TIMMDC1: variants seen among roughly 807,000 people sequenced by gnomAD.
TIMMDC1 encodes the protein complex I assembly factor TIMMDC1, mitochondrial.
TIMMDC1 carries 25 observed loss-of-function variants against 32.6 expected under a neutral mutation model. The observed-to-expected ratio is 0.77, with a 90% confidence interval of 0.56 to 1.07. TIMMDC1 has a LOEUF of 1.07. Among genes scored for constraint, TIMMDC1 ranks in the 50% least tolerant of loss-of-function variants. TIMMDC1 has a pLI of 0.00. For synonymous variants in TIMMDC1, 130 were observed against 127.6 expected (o/e 1.02, Z -0.13); for missense variants, 329 against 349.2 (o/e 0.94, Z 0.46).
intron 6 of TIMMDC1, among the ~76,000 whole-genome samples, chr3:119,522,586 A>G (rs1347561253): frequency 2.0e-5 from 3 of 152,212 alleles, no homozygotes; most frequent in Non-Finnish European, 4.4e-5. Flanking sequence ...GCAGTATGAA[A>G]TGATAAATGT....
chr3:119,501,797 G>T (rs1192792861), intron 2 of TIMMDC1, among the ~76,000 whole-genome samples: 1 of 152,118 alleles, frequency 6.6e-6, no homozygotes. Flanking sequence ...ATTTAGTCTG[G>T]AAGAGTTTCT....
rs1167913072 is a variant in TIMMDC1, at chr3:119,524,412, A to T, written c.*656A>T. On this transcript the variant is annotated 3_prime_UTR_variant, in exon 7 of 7. Transcript: ENST00000494664. ...GTCATCACAACTGTTACTAAATGGAAAAGAAAAGAATTATTGAGTTAAGTA... is the reference window on the plus strand; with the variant it reads ...GTCATCACAACTGTTACTAAATGGATAAGAAAAGAATTATTGAGTTAAGTA... 1 of 152,250 alleles carries T rather than the reference A, an allele frequency of 6.6e-6. No homozygotes were observed. Among genetic ancestry groups the T allele is most frequent in the African/African-American group, 2.4e-5 (1 of 41,470 alleles). 9.4% of individuals were successfully genotyped at this position (152,250 alleles called of 1,614,324 possible). A position where few individuals can be genotyped will look rare whatever the true frequency, so the allele number is the denominator to read the frequency against.
At chr3:119,503,490 T>C (rs2081893926) in intron 2 of TIMMDC1, 42 bp from the exon 3 acceptor site, 2 of 1,484,036 alleles carry the variant, frequency 1.3e-6, no homozygotes, top group African/African-American at 2.8e-5. Flanking sequence ...AAGGAAAATA[T>C]GATGGTGTCT....
Position 119,500,710 on chromosome 3 carries a change from T to G in TIMMDC1, c.210T>G (p.Ile70Met), listed in dbSNP as rs773553139. 6.2e-7 allele frequency: 1 copy of G among 1,613,122 alleles called. No homozygotes were observed. The highest frequency in any genetic ancestry group is 1.1e-5 in the South Asian group (1 of 90,828). Residue 70 changes from isoleucine (I) to methionine (M), a missense_variant, in exon 2 of 7, where the codon ATT becomes ATG. By Grantham distance (10) the Ile-to-Met change is conservative. Coordinates refer to ENST00000494664, the MANE Select transcript of TIMMDC1 (RefSeq NM_016589.4). The stretch of plus-strand genomic sequence containing the variant: ...GATGTTGTAGTGAACAGCAGAGAAT[T>G]TCAAAGGACCTTGCTAATATCTGTA... The part of the protein sequence containing the change: ...ELFGKDEQQR[I>M]SKDLANICKT...
intron 4 of TIMMDC1, among the ~76,000 whole-genome samples, chr3:119,505,524 C>T (rs2081913036): frequency 6.6e-6 from 1 of 152,120 alleles, no homozygotes. Context: ...CGCCACCATT[C>T]CCAGCTAATT....
intron 4 of TIMMDC1, among the ~76,000 whole-genome samples, chr3:119,512,908 T>A (rs899645161): frequency 6.6e-6 from 1 of 152,122 alleles, no homozygotes; most frequent in Non-Finnish European, 1.5e-5. Flanking sequence ...ACCCAGCTAA[T>A]TTTTGTATCT....
In TIMMDC1 at chr3:119,523,595, T is replaced by TTATTTTTTATTATCCTTTTATTATTTTTC. The variant is rs746180249; in HGVS notation, c.708-11_708-10insTATTTTTTATTATCCTTTTATTATTTTTC. On this transcript the variant is annotated splice_polypyrimidine_tract_variant and intron_variant, in intron 6 of 6. Transcript: ENST00000494664. ...AGCAGTATTTGATTTATCCTTTTTA[T>TTATTTTTTATTATCCTTTTATTATTTTTC]CTGATTACAGGAAAGGCAGACTACA... is the stretch of plus-strand genomic sequence containing the variant. 1 of 1,582,038 alleles carries TTATTTTTTATTATCCTTTTATTATTTTTC rather than the reference T, an allele frequency of 6.3e-7. No homozygotes were observed. The highest frequency in any genetic ancestry group is 8.6e-7 in the Non-Finnish European group (1 of 1,168,132).
chr3:119,517,155 A>G, intron 5 of TIMMDC1, 50 bp from the exon 6 acceptor site: 1 of 1,159,054 alleles, frequency 8.6e-7, no homozygotes, highest in South Asian at 1.2e-5. Context: ...CACATGTTGC[A>G]AGGTCTAATG....
chr3:119,513,788 T>A, intron 5 of TIMMDC1, 69 bp downstream of exon 5: 1 of 993,284 alleles, frequency 1.0e-6, no homozygotes, highest in Non-Finnish European at 1.5e-6. Flanking sequence ...TTAAAAAGTC[T>A]CATTTATTTT....
At position 119,498,656 on chromosome 3, in the gene TIMMDC1, G is replaced by T; in HGVS notation, c.-78G>T. Reference sequence around the variant, plus strand: ...AATGCACGGATTCTCACCTCGTACAGTTACGCTCTCCCGCGGCACGTCCGC... The same window carrying T: ...AATGCACGGATTCTCACCTCGTACATTTACGCTCTCCCGCGGCACGTCCGC... On this transcript the variant is annotated 5_prime_UTR_variant, in exon 1 of 7. Transcript: ENST00000494664. The T allele has an allele frequency of 6.9e-7, 1 of 1,448,374 alleles. No homozygotes were observed. The highest frequency in any genetic ancestry group is 9.6e-7 in the Non-Finnish European group (1 of 1,046,104). 89.7% of individuals were successfully genotyped at this position (1,448,374 alleles called of 1,614,324 possible). A position where few individuals can be genotyped will look rare whatever the true frequency, so the allele number is the denominator to read the frequency against.
At chr3:119,520,293 CA>C (rs369514788) in intron 6 of TIMMDC1, among the ~76,000 whole-genome samples, 3 of 151,390 alleles carry the variant, frequency 2.0e-5, no homozygotes, top group Admixed American at 6.6e-5. Context: ...TAAAAACAAA[CA>C]AAAAAACACA....
chr3:119,516,257 ACCCTCCAG>A lies in TIMMDC1; in HGVS notation c.597-942_597-935del, dbSNP rs1231415802. Among the ~76,000 whole-genome samples the A allele has an allele frequency of 4.0e-4, 60 of 151,364 alleles. No individual in the cohort carries two copies. The East Asian group carries it at 0.012, about 29-fold the overall frequency. ...TTAAAAACTAATTTCCCCTCCCCAT[ACCCTCCAG>A]CCCTCAGCAAATATATTTCTACTTT... On this transcript the variant is annotated intron_variant, in intron 5 of 6. Coordinates refer to ENST00000494664, the MANE Select transcript of TIMMDC1 (RefSeq NM_016589.4).
chr3:119,501,379 C>A (rs2081873854), intron 2 of TIMMDC1, among the ~76,000 whole-genome samples: 1 of 152,200 alleles, frequency 6.6e-6, no homozygotes, highest in Non-Finnish European at 1.5e-5. Context: ...ATATACCTTT[C>A]ATCCGGATTC....
chr3:119,499,091 T>TA, intron 1 of TIMMDC1, 164 bp downstream of exon 1: 10 of 549,346 alleles, frequency 1.8e-5, no homozygotes, highest in Non-Finnish European at 2.7e-5. Context: ...CTTTTTTCTT[T>TA]CTTTTTTTTT....
intron 6 of TIMMDC1, among the ~76,000 whole-genome samples, chr3:119,520,299 A>C (rs534855051): frequency 6.6e-6 from 1 of 152,264 alleles, no homozygotes; most frequent in South Asian, 2.1e-4. Context: ...CAAACAAAAA[A>C]ACACAAAAGA....
Position 119,513,716 on chromosome 3 carries a change from T to C in TIMMDC1, c.593T>C (p.Leu198Pro). 6.2e-7 allele frequency: 1 copy of C among 1,602,308 alleles called. No individual in the cohort carries two copies. The highest frequency in any genetic ancestry group is 8.5e-7 in the Non-Finnish European group (1 of 1,175,862). Residue 198 changes from leucine to proline, a missense_variant, in exon 5 of 7, where the codon CTG (leucine) becomes CCG (proline). Leu to Pro is a moderately conservative substitution (Grantham distance 98). Transcript: ENST00000494664. ...GCTGGTGGCATAATTGGAGCCTTGCTGGGGTAAGCATTAACATGGTTTGGT... is the reference window on the plus strand; with the variant it reads ...GCTGGTGGCATAATTGGAGCCTTGCCGGGGTAAGCATTAACATGGTTTGGT... ...LVAGGIIGAL[L>P]GTPVGGLLMA...
chr3:119,501,765 C>T (rs1015704282), intron 2 of TIMMDC1, among the ~76,000 whole-genome samples: 6 of 151,892 alleles, frequency 4.0e-5, no homozygotes, highest in Non-Finnish European at 5.9e-5. Flanking sequence ...GTTGAATTTG[C>T]CTGTTATGCT....
At chr3:119,511,081 A>AT (rs1447653970) in intron 4 of TIMMDC1, among the ~76,000 whole-genome samples, 1 of 152,062 alleles carries the variant, frequency 6.6e-6, no homozygotes, top group African/African-American at 2.4e-5. Context: ...AAAGACATAC[A>AT]TTTTTCTTAA....
At position 119,524,166 on chromosome 3, in the gene TIMMDC1, G is replaced by C. The variant is rs1022734165; in HGVS notation, c.*410G>C. 3 of 154,090 alleles carry C rather than the reference G, an allele frequency of 1.9e-5. No homozygotes were observed. The highest frequency in any genetic ancestry group is 7.2e-5 in the African/African-American group (3 of 41,506). 9.5% of individuals were successfully genotyped at this position (154,090 alleles called of 1,614,324 possible). On this transcript the variant is annotated 3_prime_UTR_variant, in exon 7 of 7. Coordinates refer to ENST00000494664, the MANE Select transcript of TIMMDC1 (RefSeq NM_016589.4). Reference sequence around the variant, plus strand: ...AAAGAACCAGGTAGGCAAATGGTCTGTGAAACCCTTGGGTCCTGGAAGCAG... The same window carrying C: ...AAAGAACCAGGTAGGCAAATGGTCTCTGAAACCCTTGGGTCCTGGAAGCAG...
Sources: allele counts gnomAD v4.1 joint callset (sites outside exome capture counted in the v4.1 genomes callset), GRCh38; gene constraint gnomAD v4.1.1; transcripts MANE v1.5; gene names NCBI Gene and HGNC (gene_info 2026-07-23, HGNC 2026-07-21).